FANCA: variants seen among roughly 807,000 people sequenced by gnomAD.
The protein encoded by FANCA is FA complementation group A.
Under a neutral mutation model 194.3 loss-of-function variants are expected in FANCA, and 236 were observed. That is an observed-to-expected ratio of 1.21 (90% CI 1.09 to 1.35). The LOEUF is 1.35. FANCA is among the 40% of genes most tolerant of loss of function. The pLI is 0.00. For missense variants in FANCA, 2,628 were observed against 1,813.9 expected, an observed-to-expected ratio of 1.45 and a Z score of -8.15; for synonymous variants, 1,014 against 715.8, an observed-to-expected ratio of 1.42 and a Z score of -6.65.
At chr16:89,802,912 C>T (rs970137869) in intron 8 of FANCA, among the ~76,000 whole-genome samples, 3 of 152,014 alleles carry the variant, frequency 2.0e-5, no homozygotes, top group East Asian at 3.8e-4. Flanking sequence ...AGTGGGGGAA[C>T]GAAGAGAGTT....
intron 17 of FANCA, among the ~76,000 whole-genome samples, chr16:89,781,493 G>T (rs2039703642): frequency 6.7e-6 from 1 of 150,190 alleles, no homozygotes; most frequent in African/African-American, 2.5e-5. Context: ...ATAACATGGT[G>T]AAACCCCATC....
At chr16:89,807,665 C>A (rs17225873) in intron 6 of FANCA, among the ~76,000 whole-genome samples, 10,535 of 150,628 alleles carry the variant, frequency 0.07, 988 homozygotes, top group African/African-American at 0.21. Flanking sequence ...CGGGCAGATC[C>A]TGAAGTCAGG....
At chr16:89,786,444 T>C (rs1262892169) in intron 14 of FANCA, among the ~76,000 whole-genome samples, 2 of 152,290 alleles carry the variant, frequency 1.3e-5, no homozygotes, top group Middle Eastern at 6.8e-3. Flanking sequence ...CCCAAAGTGC[T>C]GGGATTACAG....
intron 6 of FANCA, among the ~76,000 whole-genome samples, chr16:89,807,380 G>C (rs529101422): frequency 6.6e-6 from 1 of 151,634 alleles, no homozygotes; most frequent in Non-Finnish European, 1.5e-5. Context: ...CTTGAATCCG[G>C]GAAGCGGAGG....
chr16:89,746,990 C>A, intron 33 of FANCA, 100 bp from the exon 34 acceptor site: 1 of 1,170,522 alleles, frequency 8.5e-7, no homozygotes, highest in South Asian at 1.3e-5. Context: ...GAAAAACACT[C>A]GCTAAGGCTT....
intron 14 of FANCA, 128 bp from the exon 15 acceptor site, chr16:89,785,092 G>A (rs986596449): frequency 8.3e-6 from 6 of 726,556 alleles, no homozygotes; most frequent in African/African-American, 5.2e-5. Flanking sequence ...CCTAGGCAGT[G>A]TCCTGTGTGG....
In FANCA at chr16:89,767,160, G is replaced by A. The variant is rs980582362; in HGVS notation, c.2582C>T (p.Ser861Phe). 7 of 1,612,472 alleles carry A rather than the reference G, an allele frequency of 4.3e-6. No individual in the cohort carries two copies. In the East Asian group the frequency reaches 6.7e-5, roughly 15 times the overall value. The change falls in exon 27 of 43, where the codon TCT becomes TTT. Residue 861 changes from serine (S) to phenylalanine (F), a missense_variant. Coordinates refer to ENST00000389301, the MANE Select transcript of FANCA (RefSeq NM_000135.4). Reference sequence around the variant, plus strand: ...ACCTACCTTTTTAATAAGGCCTGGAGATAAGCAGCTGCACAAAGTATCTCG... The same window carrying A: ...ACCTACCTTTTTAATAAGGCCTGGAAATAAGCAGCTGCACAAAGTATCTCG... ...QSRDTLCSCL[S>F]PGLIKKFQFL...
intron 29 of FANCA, among the ~76,000 whole-genome samples, chr16:89,759,977 C>T (rs1160335905): frequency 1.3e-5 from 2 of 151,232 alleles, no homozygotes; most frequent in Non-Finnish European, 3.0e-5. Flanking sequence ...GGTGCTCCAC[C>T]CACGCTGTCC....
chr16:89,748,567 C>T, intron 33 of FANCA, 92 bp downstream of exon 33: 2 of 992,412 alleles, frequency 2.0e-6, no homozygotes, highest in African/African-American at 1.6e-5. Context: ...CAGTAATTCA[C>T]ACGGTCAGTA....
rs749895479 is a variant in FANCA at position 89,769,860 on chromosome 16, C to T, written c.2481G>A (p.Arg827=). 6.2e-6 allele frequency: 10 copies of T among 1,613,984 alleles called. No homozygotes were observed. The Admixed American group carries it at 1.7e-4, about 27-fold the overall frequency. ...LFDSLLTCRT[R]DSLFFCLKFC... is the part of the protein sequence containing the mutation. Reference sequence around the variant, plus strand: ...ACTTCAGGCAGAAGAACAAGGAATCCCTCGTCCTACAGGTCAGGAGGCTGT... The same window carrying T: ...ACTTCAGGCAGAAGAACAAGGAATCTCTCGTCCTACAGGTCAGGAGGCTGT... The change falls in exon 26 of 43, where the codon AGG becomes AGA. Residue 827 remains arginine, a synonymous_variant. Transcript: ENST00000389301.
rs1235881790 is a variant in FANCA, at chr16:89,738,676, C to T, written c.4293G>A (p.Glu1431=). 1.2e-6 allele frequency: 2 copies of T among 1,613,930 alleles called. No homozygotes were observed. Among genetic ancestry groups the T allele is most frequent in the Non-Finnish European group, 1.7e-6 (2 of 1,180,024 alleles). Residue 1431 remains glutamate (E), a synonymous_variant, in exon 43 of 43, where the codon GAG becomes GAA. Coordinates refer to ENST00000389301, the MANE Select transcript of FANCA (RefSeq NM_000135.4). ...LLADRGDCDP[E]VSAALQSRQQ... is the part of the protein sequence containing the mutation. ...GTCTGCTCTGGAGGGCGGCGCTCAC[C>T]TCTGGGTCGCAGTCCCCACGATCAG... is the stretch of plus-strand genomic sequence containing the variant.
intron 20 of FANCA, among the ~76,000 whole-genome samples, chr16:89,776,144 C>A (rs898955064): frequency 6.8e-6 from 1 of 146,756 alleles, no homozygotes; most frequent in Non-Finnish European, 1.5e-5. Context: ...ATTCAAAACA[C>A]GAATCTTTGT....
At chr16:89,746,029 G>C (rs960287175) in intron 35 of FANCA, among the ~76,000 whole-genome samples, 3 of 152,210 alleles carry the variant, frequency 2.0e-5, no homozygotes, top group Admixed American at 2.0e-4. Flanking sequence ...AGAAGGAAGG[G>C]CGACAGCTGT....
At position 89,738,493 on chromosome 16, in the gene FANCA, C is replaced by T; in HGVS notation, c.*108G>A. The T allele has an allele frequency of 8.5e-6, 13 of 1,532,256 alleles. No individual in the cohort carries two copies. Among genetic ancestry groups the T allele is most frequent in the Non-Finnish European group, 1.2e-5 (13 of 1,114,276 alleles). 94.9% of individuals were successfully genotyped at this position (1,532,256 alleles called of 1,614,324 possible). On this transcript the variant is annotated 3_prime_UTR_variant, in exon 43 of 43. Coordinates refer to ENST00000389301, the MANE Select transcript of FANCA (RefSeq NM_000135.4). ...TAATTGATTCCTTTCCCCACTAAAG[C>T]AGTCGAGGAGATTTGTAATCCACTT...
chr16:89,815,767 G>A, intron 2 of FANCA, 110 bp downstream of exon 2: 6 of 916,984 alleles, frequency 6.5e-6, no homozygotes, highest in South Asian at 3.9e-5. Context: ...CTGCGGGCCA[G>A]GCCACCGCGC....
At chr16:89,778,507 A>C in intron 20 of FANCA, 1 of 390,402 alleles carries the variant, frequency 2.6e-6, no homozygotes, top group Non-Finnish European at 4.7e-6. Context: ...ACAGGCTTGT[A>C]ATCCCAGCTA....
At chr16:89,783,861 T>A (rs1456211981) in intron 15 of FANCA, among the ~76,000 whole-genome samples, 6 of 151,842 alleles carry the variant, frequency 4.0e-5, no homozygotes, top group Admixed American at 3.9e-4. Context: ...CCTCCCGGGT[T>A]CAAGCAACTC....
rs2039907505 is a variant in FANCA, at chr16:89,786,633, G to C, written c.1360-1669C>G. 2.0e-5 allele frequency among the ~76,000 whole-genome samples: 3 copies of C among 152,110 alleles called. No individual in the cohort carries two copies. In the South Asian group the frequency reaches 6.2e-4, roughly 32 times the overall value. Reference sequence around the variant, plus strand: ...CACCTGACCATGTGTAGATTCTTTTGAATGTTATCATCATGCAGACAGACC... The same window carrying C: ...CACCTGACCATGTGTAGATTCTTTTCAATGTTATCATCATGCAGACAGACC... On this transcript the variant is annotated intron_variant, in intron 14 of 42. Transcript: ENST00000389301.
At chr16:89,809,277 A>C (rs2040785950) in intron 5 of FANCA, among the ~76,000 whole-genome samples, 1 of 152,102 alleles carries the variant, frequency 6.6e-6, no homozygotes, top group African/African-American at 2.4e-5. Flanking sequence ...CATGTCCAAC[A>C]TCTTCTTCGC....
Sources: allele counts gnomAD v4.1 joint callset (sites outside exome capture counted in the v4.1 genomes callset), GRCh38; gene constraint gnomAD v4.1.1; transcripts MANE v1.5; gene names NCBI Gene and HGNC (gene_info 2026-07-23, HGNC 2026-07-21).